The following TTC38 variants were observed in gnomAD, a reference collection of about 807,000 sequenced individuals.
The protein encoded by TTC38 is tetratricopeptide repeat protein 38.
In TTC38, 64 loss-of-function variants were observed where a neutral mutation model predicts 64.2. The ratio of observed to expected loss-of-function variants is 1.00; its 90% CI spans 0.81 to 1.23. TTC38 has a LOEUF of 1.23. Among genes scored for constraint, TTC38 ranks in the 50% most tolerant of loss-of-function variants. The pLI, the probability that TTC38 is intolerant of heterozygous loss-of-function variation, is 0.00. For missense variants in TTC38, 573 were observed against 615.5 expected (o/e 0.93, Z 0.73); for synonymous variants, 254 against 249.3 (o/e 1.02, Z -0.18).
At chr22:46,279,885 C>T (rs1458405079) in intron 6 of TTC38, among the ~76,000 whole-genome samples, 2 of 152,124 alleles carry the variant, frequency 1.3e-5, no homozygotes, top group African/African-American at 4.8e-5. Context: ...CCTGAGAGCT[C>T]CTGGGACATT....
chr22:46,283,926 T>G (rs767488398), intron 7 of TTC38, 47 bp from the exon 8 acceptor site: 1 of 1,274,888 alleles, frequency 7.8e-7, no homozygotes, highest in Non-Finnish European at 1.1e-6. Flanking sequence ...TTTTTTCCCA[T>G]AGGCCTTCAG....
At chr22:46,286,592 C>G (rs144456661) in intron 9 of TTC38, among the ~76,000 whole-genome samples, 3 of 150,534 alleles carry the variant, frequency 2.0e-5, no homozygotes, top group Non-Finnish European at 4.4e-5. Context: ...ACCCAGGAGG[C>G]GGAGGTTGCA....
chr22:46,268,667 TTTTTGTTTTGTTTTG>T lies in TTC38; in HGVS notation c.111+96_111+110del, dbSNP rs138035782. The T allele has an allele frequency of 2.2e-3, 2,916 of 1,307,808 alleles. 14 individuals are homozygous for T. The highest frequency in any genetic ancestry group is 5.9e-3 in the South Asian group (502 of 84,488). 81.0% of individuals were successfully genotyped at this position (1,307,808 alleles called of 1,614,324 possible). A position where few individuals can be genotyped will look rare whatever the true frequency, so the allele number is the denominator to read the frequency against. ...GGTTTTTTAATTGGGGAAAGCTGTT[TTTTTGTTTTGTTTTG>T]TTTTGTTTTGTTTTGTTTTTGAGGC... On this transcript the variant is annotated intron_variant, in intron 2 of 13. Coordinates refer to ENST00000381031, the MANE Select transcript of TTC38 (RefSeq NM_017931.4).
At chr22:46,285,176 G>A in intron 8 of TTC38, 65 bp from the exon 9 acceptor site, 1 of 1,482,654 alleles carries the variant, frequency 6.7e-7, no homozygotes, top group Non-Finnish European at 9.4e-7. Context: ...GCCGTTCTCA[G>A]TTCACGTGCC....
chr22:46,288,392 C>T (rs2077586555), intron 10 of TTC38, 31 bp from the exon 11 acceptor site: 1 of 1,601,968 alleles, frequency 6.2e-7, no homozygotes, highest in Non-Finnish European at 8.5e-7. Context: ...AGCCTCACTC[C>T]AGGCCCTGGG....
rs1420498027 is a variant in TTC38 at position 46,270,916 on chromosome 22, G to A, written c.112-1419G>A. On this transcript the variant is annotated intron_variant, in intron 2 of 13. Coordinates refer to ENST00000381031, the MANE Select transcript of TTC38 (RefSeq NM_017931.4). The surrounding 1 kb of genome is among the most constrained non-coding windows in gnomAD (Gnocchi z 4.7). ...ACTAAGGAGGGATTCTCCTACCAAG[G>A]CAGGAGAATTGCTTGAAACCTGGAG... is the stretch of plus-strand genomic sequence containing the variant. Among the ~76,000 whole-genome samples the A allele has an allele frequency of 2.0e-5, 3 of 152,006 alleles. No individual in the cohort carries two copies. Among genetic ancestry groups the A allele is most frequent in the Admixed American group, 2.0e-4 (3 of 15,264 alleles).
intron 7 of TTC38, among the ~76,000 whole-genome samples, chr22:46,283,339 A>T (rs1009150157): frequency 2.0e-5 from 3 of 152,160 alleles, no homozygotes; most frequent in Admixed American, 1.3e-4. Context: ...TCAACTTCAC[A>T]TGTGAGGAAG....
chr22:46,274,023 A>G lies in TTC38; in HGVS notation c.319A>G (p.Arg107Gly), dbSNP rs746868390. 6.2e-7 allele frequency: 1 copy of G among 1,614,188 alleles called. No homozygotes were observed. Among genetic ancestry groups the G allele is most frequent in the Non-Finnish European group, 8.5e-7 (1 of 1,180,034 alleles). Residue 107 changes from arginine (R) to glycine (G), a missense_variant, in exon 4 of 14, where the codon AGG (arginine) becomes GGG (glycine). Transcript: ENST00000381031. The surrounding 1 kb of genome is among the most constrained non-coding windows in gnomAD (Gnocchi z 4.8). ...GATTTCAAGAACCCAGCCGCTGACA[A>G]GGCGGGAGCAGCTGCACGTGTCTGC... Reference protein sequence around the residue: ...VEISRTQPLTRREQLHVSAVE... With the variant: ...VEISRTQPLTGREQLHVSAVE...
rs1051781283 is a variant in TTC38, at chr22:46,271,374, G to A, written c.112-961G>A. 2.0e-5 allele frequency among the ~76,000 whole-genome samples: 3 copies of A among 151,868 alleles called. No homozygotes were observed. Among genetic ancestry groups the A allele is most frequent in the Non-Finnish European group, 4.4e-5 (3 of 67,974 alleles). ...ATTACAGGCGCCCACCACCACACCC[G>A]GCTGATTTTTTGTATCTTTAGTAGA... On this transcript the variant is annotated intron_variant, in intron 2 of 13. Coordinates refer to ENST00000381031, the MANE Select transcript of TTC38 (RefSeq NM_017931.4). The surrounding 1 kb of genome is among the most constrained non-coding windows in gnomAD (Gnocchi z 5.5).
chr22:46,285,148 T>C lies in TTC38; in HGVS notation c.796-93T>C, dbSNP rs2077562543. 3 of 1,113,064 alleles carry C rather than the reference T, an allele frequency of 2.7e-6. No homozygotes were observed. In the Admixed American group the frequency reaches 5.1e-5, roughly 19 times the overall value. 68.9% of individuals were successfully genotyped at this position (1,113,064 alleles called of 1,614,324 possible). A position where few individuals can be genotyped will look rare whatever the true frequency, so the allele number is the denominator to read the frequency against. ...GAGGTGGAGGCCGGAGACCATGTGCTCAGGGGTCTTTGGCCTGGCCGTTCT... is the reference window on the plus strand; with the variant it reads ...GAGGTGGAGGCCGGAGACCATGTGCCCAGGGGTCTTTGGCCTGGCCGTTCT... On this transcript the variant is annotated intron_variant, in intron 8 of 13. Transcript: ENST00000381031.
intron 5 of TTC38, 128 bp from the exon 6 acceptor site, chr22:46,278,458 C>A: frequency 1.3e-6 from 1 of 756,164 alleles, no homozygotes; most frequent in South Asian, 1.5e-5. Context: ...CTGCAAAGAC[C>A]CTATTTCCAA....
rs774684148 is a variant in TTC38, at chr22:46,292,855, A to G, written c.1381A>G (p.Lys461Glu). Reference sequence around the variant, plus strand: ...GCCCCTGACCGAGCGGCTCATCCGCAAGGCAGCTACCGTCCACCTCATGCA... The same window carrying G: ...GCCCCTGACCGAGCGGCTCATCCGCGAGGCAGCTACCGTCCACCTCATGCA... Reference protein sequence around the residue: ...NSPLTERLIRKAATVHLMQ With the variant: ...NSPLTERLIREAATVHLMQ The change falls in exon 14 of 14, where the codon AAG becomes GAG. Residue 461 changes from lysine (K) to glutamate (E), a missense_variant. Physicochemically the swap from Lys to Glu is moderately conservative, Grantham distance 56. Coordinates refer to ENST00000381031, the MANE Select transcript of TTC38 (RefSeq NM_017931.4). This position sits in a 1 kb window ranked among gnomAD's most constrained non-coding sequence, Gnocchi z 6.5. The G allele has an allele frequency of 3.1e-6, 5 of 1,613,918 alleles. No homozygotes were observed. The highest frequency in any genetic ancestry group is 4.2e-6 in the Non-Finnish European group (5 of 1,179,890).
Position 46,276,762 on chromosome 22 carries a change from AAT to A in TTC38, c.539+1348_539+1349del, listed in dbSNP as rs1406857016. ...ATATATATAAAATACATATATTAAA[AAT>A]ATATATTAAATATATATTAAAATAT... On this transcript the variant is annotated intron_variant, in intron 5 of 13. Coordinates refer to ENST00000381031, the MANE Select transcript of TTC38 (RefSeq NM_017931.4). The surrounding 1 kb of genome is among the most constrained non-coding windows in gnomAD (Gnocchi z 4.7). Among the ~76,000 whole-genome samples the A allele has an allele frequency of 5.0e-5, 7 of 139,860 alleles. No homozygotes were observed. Among genetic ancestry groups the A allele is most frequent in the African/African-American group, 1.8e-4 (7 of 39,434 alleles). The allele number at this position is 139,860 out of a possible 152,430, so 91.8% of individuals were successfully genotyped here.
Position 46,292,636 on chromosome 22 carries a change from T to G in TTC38, c.1317-155T>G, listed in dbSNP as rs528137130. On this transcript the variant is annotated intron_variant, in intron 13 of 13. Transcript: ENST00000381031. The surrounding 1 kb of genome is among the most constrained non-coding windows in gnomAD (Gnocchi z 6.5). ...CTCCCATCCTCACCTCTCCCCAAAC[T>G]GAGGCCAGGCCTCCTGCCCCTGGGC... Among the ~76,000 whole-genome samples the G allele has an allele frequency of 3.2e-4, 48 of 152,330 alleles. No individual in the cohort carries two copies. Among genetic ancestry groups the G allele is most frequent in the Admixed American group, 1.4e-3 (22 of 15,298 alleles).
Position 46,272,310 on chromosome 22 carries a change from A to C in TTC38, c.112-25A>C. 6.3e-7 allele frequency: 1 copy of C among 1,596,816 alleles called. No homozygotes were observed. The highest frequency in any genetic ancestry group is 8.6e-7 in the Non-Finnish European group (1 of 1,164,882). ...AGAATGATCCAAGGGCTCCGTGAGGACTTGTTTTGCTTTTCCCATTTCAGT... is the reference window on the plus strand; with the variant it reads ...AGAATGATCCAAGGGCTCCGTGAGGCCTTGTTTTGCTTTTCCCATTTCAGT... On this transcript the variant is annotated intron_variant, in intron 2 of 13. Coordinates refer to ENST00000381031, the MANE Select transcript of TTC38 (RefSeq NM_017931.4). The surrounding 1 kb of genome is among the most constrained non-coding windows in gnomAD (Gnocchi z 6.4).
Position 46,273,845 on chromosome 22 carries a change from A to C in TTC38, c.194-53A>C. ...TGTGACATGTGGAGTCTGGGCTGGG[A>C]TGGGCTGAGCTGGACCATCTGAACC... On this transcript the variant is annotated intron_variant, in intron 3 of 13. Coordinates refer to ENST00000381031, the MANE Select transcript of TTC38 (RefSeq NM_017931.4). This position sits in a 1 kb window ranked among gnomAD's most constrained non-coding sequence, Gnocchi z 5.1. 1 of 1,592,728 alleles carries C rather than the reference A, an allele frequency of 6.3e-7. No homozygotes were observed. The highest frequency in any genetic ancestry group is 1.1e-5 in the South Asian group (1 of 90,064).
intron 6 of TTC38, chr22:46,280,248 G>A (rs980963306): frequency 6.4e-6 from 3 of 467,932 alleles, no homozygotes; most frequent in African/African-American, 4.0e-5. Flanking sequence ...CAGCCACAGA[G>A]CTTGGGGACC....
At chr22:46,289,775 C>A in intron 12 of TTC38, 51 bp from the exon 13 acceptor site, 1 of 1,587,674 alleles carries the variant, frequency 6.3e-7, no homozygotes. Context: ...CGGGGGCTCG[C>A]CTCCCCCATC....
Position 46,289,520 on chromosome 22 carries a change from A to C in TTC38, c.1201A>C (p.Ile401Leu). 6.2e-7 allele frequency: 1 copy of C among 1,606,116 alleles called. No individual in the cohort carries two copies. The highest frequency in any genetic ancestry group is 2.2e-5 in the East Asian group (1 of 44,838). ...PDRVLELLLPIRYRIVQLGGS... is the reference protein window; with the variant it reads ...PDRVLELLLPLRYRIVQLGGS... ...CCGCGTCCTGGAGCTGCTCCTGCCC[A>C]TCCGCTACCGGATCGTCCAGCTCGG... Residue 401 changes from isoleucine to leucine, a missense_variant, in exon 12 of 14, where the codon ATC (isoleucine) becomes CTC (leucine). Ile to Leu is a conservative substitution (Grantham distance 5). Around this residue, in one of 3 missense-constraint regions of TTC38, gnomAD observed 371 missense variants for 381.8 expected, o/e 0.97. Coordinates refer to ENST00000381031, the MANE Select transcript of TTC38 (RefSeq NM_017931.4).
Sources: allele counts gnomAD v4.1 joint callset (sites outside exome capture counted in the v4.1 genomes callset), GRCh38; gene constraint gnomAD v4.1.1; regional missense constraint gnomAD v4.1.1; non-coding constraint Gnocchi (gnomAD v3.1); transcripts MANE v1.5; gene names NCBI Gene and HGNC (gene_info 2026-07-23, HGNC 2026-07-21).